Variants in HHAT observed in about 807,000 individuals in gnomAD.
The protein encoded by HHAT is hedgehog acyltransferase.
A neutral mutation model predicts 70.8 loss-of-function variants in HHAT; 47 were observed. That is an observed-to-expected ratio of 0.66 (90% CI 0.53 to 0.85). The LOEUF (loss-of-function observed/expected upper bound fraction) is 0.85, where lower values mean the gene tolerates loss of function less well. HHAT is among the 40% of genes least tolerant of loss of function. The probability of loss-of-function intolerance (pLI) is 0.00; values close to 1 mark genes in which losing one functional copy is unlikely to be tolerated. For missense variants in HHAT, 609 were observed against 604.8 expected (o/e 1.01, Z -0.07); for synonymous variants, 228 against 247.6 (o/e 0.92, Z 0.74).
intron 6 of HHAT, among the ~76,000 whole-genome samples, chr1:210,415,596 A>G (rs1428358852): frequency 6.6e-6 from 1 of 152,194 alleles, no homozygotes; most frequent in Non-Finnish European, 1.5e-5. Context: ...ATGGCTGCAT[A>G]AAATATCTTC....
chr1:210,621,237 C>T (rs745457552), intron 10 of HHAT, among the ~76,000 whole-genome samples: 6 of 152,090 alleles, frequency 3.9e-5, no homozygotes, highest in Admixed American at 6.5e-5. Flanking sequence ...AAGCTATGTG[C>T]ACTCTCGGTA....
upstream of HHAT, chr1:210,328,776 G>A (rs868094762): frequency 4.9e-5 from 17 of 347,864 alleles, no homozygotes; most frequent in Middle Eastern, 7.5e-4. Flanking sequence ...GCCCCGGGCC[G>A]CCGGCGGGGC....
chr1:210,639,671 A>T (rs1039092250), intron 11 of HHAT, among the ~76,000 whole-genome samples: 1 of 152,202 alleles, frequency 6.6e-6, no homozygotes, highest in African/African-American at 2.4e-5. Flanking sequence ...TGCAGGTTTG[A>T]TGCCTGGTAG....
intron 6 of HHAT, among the ~76,000 whole-genome samples, chr1:210,410,933 A>G (rs1249708699): frequency 6.6e-6 from 1 of 152,236 alleles, no homozygotes; most frequent in Non-Finnish European, 1.5e-5. Flanking sequence ...CTGTAGTGAC[A>G]TGTAATTATG....
At chr1:210,648,679 C>A (rs1401514673) in intron 11 of HHAT, among the ~76,000 whole-genome samples, 1 of 152,192 alleles carries the variant, frequency 6.6e-6, no homozygotes, top group Non-Finnish European at 1.5e-5. Flanking sequence ...GCACAACACG[C>A]ATTCTCCAGA....
chr1:210,551,489 T>C (rs770908333), intron 9 of HHAT, among the ~76,000 whole-genome samples: 1 of 131,742 alleles, frequency 7.6e-6, no homozygotes, highest in Non-Finnish European at 1.5e-5. Flanking sequence ...GACAGCCTGC[T>C]GGGCTGTTGG....
chr1:210,669,438 A>G (rs556825886), intron 11 of HHAT, among the ~76,000 whole-genome samples: 3 of 152,344 alleles, frequency 2.0e-5, no homozygotes, highest in Admixed American at 1.3e-4. Flanking sequence ...TCATGATACA[A>G]CCACCTACAT....
chr1:210,341,558 T>TG (rs370084288), intron 1 of HHAT, among the ~76,000 whole-genome samples: 10 of 152,284 alleles, frequency 6.6e-5, no homozygotes, highest in African/African-American at 1.9e-4. Flanking sequence ...TCTCTGTCCG[T>TG]GGGTAGATCG....
intron 8 of HHAT, among the ~76,000 whole-genome samples, chr1:210,472,196 C>G (rs532455282): frequency 6.6e-6 from 1 of 152,222 alleles, no homozygotes; most frequent in Non-Finnish European, 1.5e-5. Flanking sequence ...AAAAAATCCT[C>G]CCACACGGCT....
At chr1:210,378,389 T>A (rs1327786664) in intron 3 of HHAT, among the ~76,000 whole-genome samples, 1 of 152,236 alleles carries the variant, frequency 6.6e-6, no homozygotes, top group African/African-American at 2.4e-5. Context: ...TGTATAGTAT[T>A]TCTGTAGTAT....
At chr1:210,578,489 G>T (rs1424610911) in intron 9 of HHAT, among the ~76,000 whole-genome samples, 2 of 152,102 alleles carry the variant, frequency 1.3e-5, no homozygotes, top group African/African-American at 2.4e-5. Flanking sequence ...CAAAATAATT[G>T]AAATCAGTAT....
At chr1:210,442,826 C>A (rs557433039) in intron 7 of HHAT, among the ~76,000 whole-genome samples, 74 of 152,280 alleles carry the variant, frequency 4.9e-4, no homozygotes, top group South Asian at 1.4e-3. Context: ...ATGGTAGTTT[C>A]TTTTGCTGTG....
In HHAT at chr1:210,464,644, C is replaced by T. The variant is rs761087864; in HGVS notation, c.996C>T (p.Thr332=). Residue 332 remains threonine, a synonymous_variant, in exon 8 of 12, where the codon ACC becomes ACT. Transcript: ENST00000261458. ...PRCVSTMFSF[T]GMWRYFDVGL... ...GCGTGAGCACCATGTTCAGTTTCAC[C>T]GGGATGTGGAGGTCAGGCGCTGGGA... The T allele has an allele frequency of 5.8e-5, 93 of 1,613,996 alleles. No individual in the cohort carries two copies. The highest frequency in any genetic ancestry group is 7.4e-5 in the Non-Finnish European group (87 of 1,180,002).
chr1:210,556,490 G>A (rs756970100), intron 9 of HHAT, among the ~76,000 whole-genome samples: 17 of 152,244 alleles, frequency 1.1e-4, no homozygotes, highest in Non-Finnish European at 2.2e-4. Flanking sequence ...GAACCCCAGG[G>A]GGCTGCCCTC....
At chr1:210,623,225 C>G (rs1669204584) in intron 10 of HHAT, among the ~76,000 whole-genome samples, 1 of 152,142 alleles carries the variant, frequency 6.6e-6, no homozygotes, top group South Asian at 2.1e-4. Context: ...TCATATGCCA[C>G]CATGCCCAGC....
chr1:210,469,755 A>G (rs2094168115), intron 8 of HHAT, among the ~76,000 whole-genome samples: 1 of 151,736 alleles, frequency 6.6e-6, no homozygotes, highest in Non-Finnish European at 1.5e-5. Flanking sequence ...AGTGGCCTCT[A>G]CCTCCTGGGC....
chr1:210,399,838 G>A (rs2091976671), intron 4 of HHAT, among the ~76,000 whole-genome samples: 1 of 152,150 alleles, frequency 6.6e-6, no homozygotes, highest in South Asian at 2.1e-4. Flanking sequence ...GGGAATAAAT[G>A]TATCAATCAG....
At chr1:210,342,067 CT>C (rs2086085309) in intron 1 of HHAT, among the ~76,000 whole-genome samples, 1 of 152,074 alleles carries the variant, frequency 6.6e-6, no homozygotes, top group Admixed American at 6.6e-5. Context: ...TCATCTTCCT[CT>C]TTTTTCCCCC....
At chr1:210,610,904 G>A (rs140105010) in intron 10 of HHAT, among the ~76,000 whole-genome samples, 4 of 152,162 alleles carry the variant, frequency 2.6e-5, no homozygotes, top group South Asian at 4.2e-4. Context: ...ACATAGTTTT[G>A]GTTATTGTAG....
Sources: allele counts gnomAD v4.1 joint callset (sites outside exome capture counted in the v4.1 genomes callset), GRCh38; gene constraint gnomAD v4.1.1; transcripts MANE v1.5; gene names NCBI Gene and HGNC (gene_info 2026-07-23, HGNC 2026-07-21).